STARD8: variants seen among roughly 807,000 people sequenced by gnomAD.
The protein encoded by STARD8 is StAR related lipid transfer domain containing 8, also known as stAR-related lipid transfer protein 8.
In STARD8, 25 loss-of-function variants were observed where a neutral mutation model predicts 69.4. The observed-to-expected ratio is 0.36, with a 90% CI of 0.26 to 0.50. The LOEUF (loss-of-function observed/expected upper bound fraction) is 0.50, where lower values mean the gene tolerates loss of function less well. STARD8 is among the 20% of genes least tolerant of loss of function. The pLI, the probability that STARD8 is intolerant of heterozygous loss-of-function variation, is 0.96. For missense variants in STARD8, 921 were observed against 932.5 expected (o/e 0.99, Z 0.16); for synonymous variants, 389 against 374.6 (o/e 1.04, Z -0.45).
chrX:68,718,641 G>C lies in STARD8; in HGVS notation c.1715+12G>C. On this transcript the variant is annotated intron_variant, in intron 6 of 14. Coordinates refer to ENST00000374599, the MANE Select transcript of STARD8 (RefSeq NM_001142503.3). ...ACCAGACCCTGCAGGTGAGAGTTTG[G>C]GTTGGGATGGGGCGGACGCAGGGTC... The C allele has an allele frequency of 8.5e-7, 1 of 1,177,472 alleles. No homozygotes were observed. The highest frequency in any genetic ancestry group is 1.1e-6 in the Non-Finnish European group (1 of 878,362).
At chrX:68,685,780 G>C (rs1286396878) in intron 2 of STARD8, among the ~76,000 whole-genome samples, 1 of 112,593 alleles carries the variant, frequency 8.9e-6, no homozygotes, top group Non-Finnish European at 1.9e-5. Context: ...AGGATATTCT[G>C]GTACTAGAAA....
At chrX:68,660,104 C>T (rs2079635048) in intron 1 of STARD8, among the ~76,000 whole-genome samples, 1 of 110,812 alleles carries the variant, frequency 9.0e-6, no homozygotes, top group Non-Finnish European at 1.9e-5. Flanking sequence ...CAGTGTGGGA[C>T]AGCTTGCACC....
intron 2 of STARD8, among the ~76,000 whole-genome samples, chrX:68,688,768 C>G (rs1041387968): frequency 9.4e-6 from 1 of 106,714 alleles, no homozygotes; most frequent in Non-Finnish European, 1.9e-5. Context: ...CCCAGGCTCC[C>G]CACCCTTCCT....
chrX:68,707,380 A>G (rs2080015989), intron 2 of STARD8, among the ~76,000 whole-genome samples: 2 of 112,229 alleles, frequency 1.8e-5, no homozygotes, highest in African/African-American at 6.5e-5. Flanking sequence ...ACGTGGGCCT[A>G]TGAATAGAAC....
At chrX:68,678,835 G>A (rs1490668378) in intron 2 of STARD8, among the ~76,000 whole-genome samples, 1 of 112,190 alleles carries the variant, frequency 8.9e-6, no homozygotes, top group Non-Finnish European at 1.9e-5. Context: ...AGTATATACT[G>A]GGAAACAATA....
rs143931856 is a variant in STARD8 at position 68,722,075 on chromosome X, A to C, written c.2488A>C (p.Arg830=). 7.2e-4 allele frequency: 869 copies of C among 1,201,571 alleles called. No homozygotes were observed. Among genetic ancestry groups the C allele is most frequent in the Middle Eastern group, 2.1e-3 (9 of 4,321 alleles). ...CAAGAGCAAACGCAGCCTCATTGGC[A>C]GGCCAGGCCCTAGGGACCTGAGTGA... is the stretch of plus-strand genomic sequence containing the variant. The part of the protein sequence containing the change: ...RIKSKRSLIG[R]PGPRDLSDNM... The change falls in exon 11 of 15, where the codon AGG becomes CGG. Residue 830 remains arginine (R), a synonymous_variant. Transcript: ENST00000374599.
At chrX:68,682,374 T>C (rs1247061673) in intron 2 of STARD8, among the ~76,000 whole-genome samples, 1 of 112,350 alleles carries the variant, frequency 8.9e-6, no homozygotes, top group Non-Finnish European at 1.9e-5. Flanking sequence ...GGATATGCCA[T>C]TAATAATAAA....
Position 68,724,288 on chromosome X carries a change from T to C in STARD8, c.3195-17T>C. ...GAAAAATCCATTGCTCATGCCTGGT[T>C]TCTTCTGCTTCCCTAGGGGCCGTTC... On this transcript the variant is annotated splice_polypyrimidine_tract_variant and intron_variant, in intron 14 of 14. Transcript: ENST00000374599. The C allele has an allele frequency of 8.3e-7, 1 of 1,206,121 alleles. No homozygotes were observed. Among genetic ancestry groups the C allele is most frequent in the South Asian group, 1.8e-5 (1 of 56,376 alleles).
chrX:68,717,067 C>G, intron 5 of STARD8, 145 bp from the exon 6 acceptor site: 1 of 959,219 alleles, frequency 1.0e-6, no homozygotes, highest in South Asian at 3.7e-5. Context: ...CCAGAGCTAG[C>G]TCTCCCCACC....
chrX:68,709,270 T>C (rs1310263401), intron 2 of STARD8, among the ~76,000 whole-genome samples: 1 of 112,433 alleles, frequency 8.9e-6, no homozygotes, highest in African/African-American at 3.2e-5. Context: ...GCAGCCTCTT[T>C]GAAGGCTCCT....
chrX:68,694,512 A>G (rs1424369833), intron 2 of STARD8, among the ~76,000 whole-genome samples: 1 of 111,626 alleles, frequency 9.0e-6, no homozygotes, highest in Non-Finnish European at 1.9e-5. Flanking sequence ...GTTCCTCCTG[A>G]CACTTGTGAA....
intron 1 of STARD8, among the ~76,000 whole-genome samples, chrX:68,650,653 A>G (rs773173180): frequency 1.2e-3 from 127 of 110,001 alleles, no homozygotes; most frequent in African/African-American, 4.0e-3. Flanking sequence ...AAAAATTTAA[A>G]ATTAGTCAGG....
At chrX:68,683,340 A>G (rs2079811900) in intron 2 of STARD8, among the ~76,000 whole-genome samples, 1 of 112,474 alleles carries the variant, frequency 8.9e-6, no homozygotes, top group Non-Finnish European at 1.9e-5. Flanking sequence ...CAGTTTTCCC[A>G]TTGAAAATGG....
At chrX:68,700,063 G>A (rs1178695244) in intron 2 of STARD8, among the ~76,000 whole-genome samples, 2 of 111,638 alleles carry the variant, frequency 1.8e-5, no homozygotes, top group Non-Finnish European at 3.8e-5. Flanking sequence ...GGTCAGGGGT[G>A]GGTGGAGGGA....
intron 2 of STARD8, among the ~76,000 whole-genome samples, chrX:68,691,582 A>G (rs1048902447): frequency 1.8e-5 from 2 of 112,508 alleles, no homozygotes; most frequent in African/African-American, 6.5e-5. Flanking sequence ...CACAATGTGC[A>G]TGGCAAATAT....
intron 1 of STARD8, among the ~76,000 whole-genome samples, chrX:68,652,871 ACCCACACCC>A (rs1779023903): frequency 5.7e-4 from 1 of 1,764 alleles, no homozygotes; most frequent in African/African-American, 2.5e-3. Flanking sequence ...ACACACACAC[ACCCACACCC>A]CACACACACA....
intron 1 of STARD8, among the ~76,000 whole-genome samples, chrX:68,653,612 C>CCACA (rs770290393): frequency 2.1e-5 from 1 of 48,654 alleles, no homozygotes; most frequent in Non-Finnish European, 4.0e-5. Flanking sequence ...ACACACCCCA[C>CCACA]CACACACACA....
In STARD8 at chrX:68,647,820, A is replaced by G; in HGVS notation, c.-63A>G. 8.6e-7 allele frequency: 1 copy of G among 1,162,907 alleles called. No individual in the cohort carries two copies. Among genetic ancestry groups the G allele is most frequent in the Non-Finnish European group, 1.2e-6 (1 of 867,524 alleles). On this transcript the variant is annotated 5_prime_UTR_variant, in exon 1 of 15. Coordinates refer to ENST00000374599, the MANE Select transcript of STARD8 (RefSeq NM_001142503.3). ...CCGGGCCTCTTTTAGCCTCGTCCCC[A>G]GAGAGGGAGGAGCCGGTGCCCGGCA... is the stretch of plus-strand genomic sequence containing the variant.
Position 68,647,690 on chromosome X carries a change from C to A in STARD8, c.-193C>A. The A allele has an allele frequency of 2.1e-6, 1 of 475,949 alleles. No individual in the cohort carries two copies. The highest frequency in any genetic ancestry group is 3.4e-6 in the Non-Finnish European group (1 of 294,315). The allele number at this position is 475,949 out of a possible 1,213,427, so 39.2% of individuals were successfully genotyped here. On this transcript the variant is annotated 5_prime_UTR_variant, in exon 1 of 15. Transcript: ENST00000374599. ...CGGTGGCCTTCCAGGAGGCGGGAGG[C>A]GCCCGCTGTCGAGGCAGCTGAGCCC...
Sources: allele counts gnomAD v4.1 joint callset (sites outside exome capture counted in the v4.1 genomes callset), GRCh38; gene constraint gnomAD v4.1.1; transcripts MANE v1.5; gene names NCBI Gene and HGNC (gene_info 2026-07-23, HGNC 2026-07-21).